Variants in ARMC1 observed in about 807,000 individuals in gnomAD.
The protein encoded by ARMC1 is armadillo repeat containing 1.
Under a neutral mutation model 31.4 loss-of-function variants are expected in ARMC1, and 16 were observed. The ratio of observed to expected loss-of-function variants is 0.51; its 90% CI spans 0.34 to 0.77. ARMC1 has a LOEUF of 0.77. Among genes scored for constraint, ARMC1 ranks in the 30% least tolerant of loss-of-function variants. The pLI is 0.01. For missense variants in ARMC1, 259 were observed against 347.5 expected, an observed-to-expected ratio of 0.75 and a Z score of 2.02; for synonymous variants, 114 against 118.9, an observed-to-expected ratio of 0.96 and a Z score of 0.27.
chr8:65,606,233 T>C (rs1275040403), intron 4 of ARMC1, among the ~76,000 whole-genome samples: 2 of 151,814 alleles, frequency 1.3e-5, no homozygotes, highest in African/African-American at 2.4e-5. Flanking sequence ...TGGTGGCGTG[T>C]GCCTGTAGTC....
chr8:65,627,081 T>G (rs1263543457), intron 2 of ARMC1, 135 bp downstream of exon 2: 1 of 717,578 alleles, frequency 1.4e-6, no homozygotes, highest in East Asian at 2.7e-5. Flanking sequence ...CACATACATA[T>G]GTTTGTACCT....
intron 2 of ARMC1, among the ~76,000 whole-genome samples, chr8:65,624,950 G>A (rs1389743614): frequency 2.0e-5 from 3 of 152,006 alleles, no homozygotes; most frequent in Non-Finnish European, 2.9e-5. Flanking sequence ...GTGAAAAACC[G>A]TCTCTACTAA....
intron 3 of ARMC1, among the ~76,000 whole-genome samples, chr8:65,617,087 C>T (rs1244068334): frequency 6.6e-6 from 1 of 152,028 alleles, no homozygotes; most frequent in Non-Finnish European, 1.5e-5. Flanking sequence ...AAGTGAGGAG[C>T]CCCTCTGCCC....
intron 3 of ARMC1, among the ~76,000 whole-genome samples, chr8:65,613,658 C>A (rs908117856): frequency 6.6e-6 from 1 of 152,126 alleles, no homozygotes; most frequent in African/African-American, 2.4e-5. Context: ...CAAAATCCAA[C>A]ACTATAGAGG....
chr8:65,611,701 T>C (rs533744215), intron 4 of ARMC1, among the ~76,000 whole-genome samples: 62 of 152,292 alleles, frequency 4.1e-4, no homozygotes, highest in Non-Finnish European at 7.2e-4. Flanking sequence ...TAAACTTTGT[T>C]TAACTACTTC....
At chr8:65,605,847 G>GA (rs1305975362) in intron 4 of ARMC1, among the ~76,000 whole-genome samples, 7 of 152,088 alleles carry the variant, frequency 4.6e-5, no homozygotes, top group Non-Finnish European at 7.4e-5. Flanking sequence ...AACACAGGGG[G>GA]AAAAAATACC....
At chr8:65,631,607 C>T (rs1808645888) in intron 1 of ARMC1, among the ~76,000 whole-genome samples, 1 of 152,108 alleles carries the variant, frequency 6.6e-6, no homozygotes, top group Non-Finnish European at 1.5e-5. Context: ...TATGAGATAG[C>T]AATAGAACAG....
At position 65,602,469 on chromosome 8, in the gene ARMC1, C is replaced by T. The variant is rs780023057; in HGVS notation, c.*1925G>A. ...ATACCACAAGTATATAATATCCACT[C>T]GATTTTAATTATGTTACCTTTTATT... On this transcript the variant is annotated 3_prime_UTR_variant, in exon 7 of 7. Coordinates refer to ENST00000276569, the MANE Select transcript of ARMC1 (RefSeq NM_018120.6). The T allele has an allele frequency of 6.6e-6, 1 of 152,008 alleles. No individual in the cohort carries two copies. The highest frequency in any genetic ancestry group is 1.5e-5 in the Non-Finnish European group (1 of 67,984). 9.4% of individuals were successfully genotyped at this position (152,008 alleles called of 1,614,324 possible).
chr8:65,604,311 G>T lies in ARMC1; in HGVS notation c.*83C>A. ...TAAAAACTTTTCATGATAACTTATT[G>T]CAAATTGCACTTGACAGTTCACCAC... On this transcript the variant is annotated 3_prime_UTR_variant, in exon 7 of 7. Transcript: ENST00000276569. 2 of 1,320,406 alleles carry T rather than the reference G, an allele frequency of 1.5e-6. No individual in the cohort carries two copies. Among genetic ancestry groups the T allele is most frequent in the Non-Finnish European group, 2.1e-6 (2 of 956,058 alleles). 81.8% of individuals were successfully genotyped at this position (1,320,406 alleles called of 1,614,324 possible). A position where few individuals can be genotyped will look rare whatever the true frequency, so the allele number is the denominator to read the frequency against.
At chr8:65,623,012 TAA>T (rs772393999) in intron 2 of ARMC1, among the ~76,000 whole-genome samples, 5 of 102,384 alleles carry the variant, frequency 4.9e-5, no homozygotes, top group Admixed American at 1.0e-4. Context: ...CAAAAAAAAT[TAA>T]AAAAAAAAAA....
In ARMC1 at chr8:65,621,977, G is replaced by A. The variant is rs78304459; in HGVS notation, c.275+286C>T. ...TTTTGAGATGGAATCTTGTTCTGTCGCCCAGGCTAGAGCGCAATGGCACGA... is the reference window on the plus strand; with the variant it reads ...TTTTGAGATGGAATCTTGTTCTGTCACCCAGGCTAGAGCGCAATGGCACGA... On this transcript the variant is annotated intron_variant, in intron 3 of 6. Coordinates refer to ENST00000276569, the MANE Select transcript of ARMC1 (RefSeq NM_018120.6). Among the ~76,000 whole-genome samples, 937 of 150,092 alleles carry A rather than the reference G, an allele frequency of 6.2e-3. 2 individuals carry two copies. Among genetic ancestry groups the A allele is most frequent in the South Asian group, 0.017 (81 of 4,760 alleles).
At chr8:65,608,889 C>T (rs975742920) in intron 4 of ARMC1, among the ~76,000 whole-genome samples, 4 of 151,732 alleles carry the variant, frequency 2.6e-5, no homozygotes, top group Non-Finnish European at 5.9e-5. Flanking sequence ...CCAGCCTGGG[C>T]GACAGAGTGA....
Position 65,613,389 on chromosome 8 carries a change from T to C in ARMC1, c.320A>G (p.Tyr107Cys), listed in dbSNP as rs1010741451. Reference protein sequence around the residue: ...GETKLLASEIYDILQSSNMAD... With the variant: ...GETKLLASEICDILQSSNMAD... ...CATATTGGAGGACTGAAGAATGTCA[T>C]AGATTTCAGAGGCCAGAAGTTTTGT... Residue 107 changes from tyrosine (Y) to cysteine (C), a missense_variant, in exon 4 of 7, where the codon TAT (tyrosine) becomes TGT (cysteine). Physicochemically the swap from Tyr to Cys is radical, Grantham distance 194. Transcript: ENST00000276569. 24 of 1,607,964 alleles carry C rather than the reference T, an allele frequency of 1.5e-5. No individual in the cohort carries two copies. The highest frequency in any genetic ancestry group is 1.5e-4 in the African/African-American group (11 of 74,696).
chr8:65,621,564 A>C (rs1808394416), intron 3 of ARMC1, among the ~76,000 whole-genome samples: 1 of 152,238 alleles, frequency 6.6e-6, no homozygotes. Context: ...GCTAGAGTGC[A>C]GTGGTGGGAT....
rs1429612894 is a variant in ARMC1, at chr8:65,603,850, T to C, written c.*544A>G. 1.3e-5 allele frequency: 2 copies of C among 152,674 alleles called. No individual in the cohort carries two copies. Among genetic ancestry groups the C allele is most frequent in the Admixed American group, 1.3e-4 (2 of 15,278 alleles). 9.5% of individuals were successfully genotyped at this position (152,674 alleles called of 1,614,324 possible). Reference sequence around the variant, plus strand: ...ATGTTTTTAATCTGCAAAATGTCATTAGTAATGTCCTTTCTATAAACACGG... The same window carrying C: ...ATGTTTTTAATCTGCAAAATGTCATCAGTAATGTCCTTTCTATAAACACGG... On this transcript the variant is annotated 3_prime_UTR_variant, in exon 7 of 7. Coordinates refer to ENST00000276569, the MANE Select transcript of ARMC1 (RefSeq NM_018120.6).
chr8:65,606,692 T>C (rs1185718456), intron 4 of ARMC1, among the ~76,000 whole-genome samples: 1 of 152,228 alleles, frequency 6.6e-6, no homozygotes, highest in Non-Finnish European at 1.5e-5. Context: ...CCACTGATTA[T>C]TCCAGCTTTG....
chr8:65,607,299 T>G (rs1808026208), intron 4 of ARMC1, among the ~76,000 whole-genome samples: 1 of 152,192 alleles, frequency 6.6e-6, no homozygotes, highest in Admixed American at 6.5e-5. Context: ...TTCCACATAT[T>G]CAACACCAGG....
intron 3 of ARMC1, among the ~76,000 whole-genome samples, chr8:65,617,001 C>CG (rs1436409849): frequency 2.2e-5 from 3 of 134,352 alleles, no homozygotes; most frequent in Admixed American, 7.1e-5. Flanking sequence ...AGGAGGGAGG[C>CG]GGGGGGCAGC....
At chr8:65,618,539 A>AAG (rs1808325617) in intron 3 of ARMC1, among the ~76,000 whole-genome samples, 1 of 151,022 alleles carries the variant, frequency 6.6e-6, no homozygotes, top group Non-Finnish European at 1.5e-5. Context: ...AAAAAAAAAA[A>AAG]GAACCTAATG....
Sources: gnomAD v4.1 joint callset for allele counts (sites outside exome capture counted in the v4.1 genomes callset) on GRCh38, gnomAD v4.1.1 for gene constraint, MANE v1.5 for transcripts, NCBI Gene and HGNC (gene_info 2026-07-23, HGNC 2026-07-21) for gene names.